The following RBFOX1 variants were observed in gnomAD, a reference collection of about 807,000 sequenced individuals.
The protein encoded by RBFOX1 is RNA binding protein fox-1 homolog 1.
RBFOX1 carries 8 observed loss-of-function variants against 57.7 expected under a neutral mutation model. The observed-to-expected ratio is 0.14, with a 90% CI of 0.08 to 0.25. RBFOX1 has a LOEUF of 0.25. Among genes scored for constraint, RBFOX1 ranks in the 10% least tolerant of loss-of-function variants. The pLI, the probability that RBFOX1 is intolerant of heterozygous loss-of-function variation, is 1.00. For missense variants in RBFOX1, 611 were observed against 548.5 expected, an observed-to-expected ratio of 1.11 and a Z score of -1.14; for synonymous variants, 326 against 222.4, an observed-to-expected ratio of 1.47 and a Z score of -4.15.
chr16:5,520,581 C>G (rs1428015824), intron 2 of RBFOX1, among the ~76,000 whole-genome samples: 1 of 152,178 alleles, frequency 6.6e-6, no homozygotes, highest in African/African-American at 2.4e-5. Context: ...ATGGCTAGAG[C>G]TACAGAAACC....
chr16:5,292,063 C>T (rs142294303), intron 1 of RBFOX1, among the ~76,000 whole-genome samples: 40 of 151,908 alleles, frequency 2.6e-4, no homozygotes, highest in African/African-American at 8.2e-4. Context: ...TGTTTTTTGA[C>T]CTAATTTATC....
At chr16:7,304,345 C>G in intron 4 of RBFOX1, 1 of 985,278 alleles carries the variant, frequency 1.0e-6, no homozygotes, top group East Asian at 1.1e-4. Flanking sequence ...TGATTGCATT[C>G]AAGCGTCCCC....
intron 4 of RBFOX1, among the ~76,000 whole-genome samples, chr16:7,210,095 G>A (rs1038116158): frequency 6.6e-6 from 1 of 152,196 alleles, no homozygotes; most frequent in African/African-American, 2.4e-5. Flanking sequence ...TCTTTGCAGT[G>A]TGTGCATTGC....
chr16:6,792,840 A>G (rs2083230078), intron 3 of RBFOX1, among the ~76,000 whole-genome samples: 1 of 152,036 alleles, frequency 6.6e-6, no homozygotes, highest in African/African-American at 2.4e-5. Context: ...ACCAGCCTGG[A>G]CAAGATGGTG....
intron 1 of RBFOX1, among the ~76,000 whole-genome samples, chr16:6,228,698 G>C (rs572085581): frequency 1.1e-4 from 16 of 152,244 alleles, no homozygotes; most frequent in Middle Eastern, 3.4e-3. Context: ...CAAAATTTCA[G>C]GTAGGCGGGA....
intron 5 of RBFOX1, among the ~76,000 whole-genome samples, chr16:7,532,207 CT>C (rs2080270659): frequency 6.6e-6 from 1 of 151,670 alleles, no homozygotes. Flanking sequence ...TTCGTCCCCC[CT>C]CTTCCCTCTA....
rs371310620 is a variant in RBFOX1, at chr16:6,477,680, G to A, written c.-64+160623G>A. On this transcript the variant is annotated intron_variant, in intron 2 of 15. Transcript: ENST00000550418. Reference sequence around the variant, plus strand: ...TACCAGCTGTATTAGCCCCTAATAAGAGCGTCAGCTTGTCCTTTGAAGCTT... The same window carrying A: ...TACCAGCTGTATTAGCCCCTAATAAAAGCGTCAGCTTGTCCTTTGAAGCTT... 1.2e-3 allele frequency among the ~76,000 whole-genome samples: 189 copies of A among 152,340 alleles called. 1 individual carries two copies. Among genetic ancestry groups the A allele is most frequent in the African/African-American group, 4.3e-3 (179 of 41,574 alleles).
chr16:6,015,048 G>A (rs1458282223), upstream of RBFOX1, among the ~76,000 whole-genome samples: 1 of 151,942 alleles, frequency 6.6e-6, no homozygotes, highest in African/African-American at 2.4e-5. Context: ...GTAGAGATGG[G>A]GTTTCACAGT....
chr16:6,892,610 C>T lies in RBFOX1; in HGVS notation c.-15-159447C>T, dbSNP rs117480444. On this transcript the variant is annotated intron_variant, in intron 3 of 15. Transcript: ENST00000550418. ...ACTTGAACCTGGGAAATGGAAGTTG[C>T]AGTAAGGCAAGATTGCACCACTGTA... 1.6e-3 allele frequency among the ~76,000 whole-genome samples: 236 copies of T among 152,204 alleles called. 8 individuals are homozygous for T. In the East Asian group the frequency reaches 0.043, roughly 28 times the overall value.
chr16:5,979,315 A>G (rs904316885), intron 4 of RBFOX1, among the ~76,000 whole-genome samples: 2 of 152,162 alleles, frequency 1.3e-5, no homozygotes, highest in African/African-American at 2.4e-5. Context: ...GTTTCTGGGA[A>G]TGAATGGGAG....
rs559976592 is a variant in RBFOX1 at position 6,496,265 on chromosome 16, C to G, written c.-63-158338C>G. 2.6e-5 allele frequency among the ~76,000 whole-genome samples: 4 copies of G among 152,298 alleles called. No individual in the cohort carries two copies. In the East Asian group the frequency reaches 7.7e-4, roughly 29 times the overall value. ...GACATAAATGGTGACAGTGACCACTCTGAAAGGAAATGGTGGTGTGACCTA... is the reference window on the plus strand; with the variant it reads ...GACATAAATGGTGACAGTGACCACTGTGAAAGGAAATGGTGGTGTGACCTA... On this transcript the variant is annotated intron_variant, in intron 2 of 15. Coordinates refer to ENST00000550418, the MANE Select transcript of RBFOX1 (RefSeq NM_018723.4).
intron 2 of RBFOX1, among the ~76,000 whole-genome samples, chr16:6,342,627 T>G (rs567730541): frequency 6.6e-6 from 1 of 152,150 alleles, no homozygotes; most frequent in Non-Finnish European, 1.5e-5. Flanking sequence ...GAGAGTTAGG[T>G]ATACATATCT....
At chr16:6,653,869 G>C (rs2098622964) in intron 2 of RBFOX1, among the ~76,000 whole-genome samples, 1 of 151,780 alleles carries the variant, frequency 6.6e-6, no homozygotes, top group Admixed American at 6.6e-5. Flanking sequence ...TGGCTGGGTG[G>C]ATAGCTGGAT....
At chr16:6,628,011 A>G (rs927335964) in intron 2 of RBFOX1, among the ~76,000 whole-genome samples, 1 of 152,230 alleles carries the variant, frequency 6.6e-6, no homozygotes, top group Non-Finnish European at 1.5e-5. Flanking sequence ...GCAGCAGAGC[A>G]ATGTCTCCAA....
intron 4 of RBFOX1, among the ~76,000 whole-genome samples, chr16:7,340,717 A>G (rs1005423038): frequency 1.3e-5 from 2 of 152,236 alleles, no homozygotes; most frequent in African/African-American, 2.4e-5. Context: ...TAACTTTGTC[A>G]TGACGTAGAC....
chr16:7,097,964 A>T (rs1441505137), intron 4 of RBFOX1, among the ~76,000 whole-genome samples: 1 of 152,186 alleles, frequency 6.6e-6, no homozygotes, highest in Non-Finnish European at 1.5e-5. Flanking sequence ...ACAGTTTAAT[A>T]ATAGTGAGTG....
intron 3 of RBFOX1, among the ~76,000 whole-genome samples, chr16:5,814,446 A>C (rs2055548032): frequency 6.6e-6 from 1 of 152,184 alleles, no homozygotes; most frequent in Non-Finnish European, 1.5e-5. Flanking sequence ...TAATAACAAT[A>C]AATATAGGCT....
intron 4 of RBFOX1, among the ~76,000 whole-genome samples, chr16:5,873,428 C>G (rs2057528141): frequency 6.6e-6 from 1 of 152,186 alleles, no homozygotes; most frequent in Non-Finnish European, 1.5e-5. Context: ...CCCAGTCATG[C>G]TTTGATAGTC....
At chr16:6,444,860 C>T (rs751330767) in intron 2 of RBFOX1, among the ~76,000 whole-genome samples, 7 of 152,072 alleles carry the variant, frequency 4.6e-5, no homozygotes, top group Non-Finnish European at 8.8e-5. Flanking sequence ...TGTGTGAGAA[C>T]AGGGAGTCAC....
Sources: gnomAD v4.1 joint callset for allele counts (sites outside exome capture counted in the v4.1 genomes callset) on GRCh38, gnomAD v4.1.1 for gene constraint, MANE v1.5 for transcripts, NCBI Gene and HGNC (gene_info 2026-07-23, HGNC 2026-07-21) for gene names.